The following GPRC6A variants were observed in gnomAD, a reference collection of about 807,000 sequenced individuals.
GPRC6A encodes G protein-coupled receptor class C group 6 member A.
A neutral mutation model predicts 47.0 loss-of-function variants in GPRC6A; 54 were observed. That is an observed-to-expected ratio of 1.15 (90% CI 0.92 to 1.44). The LOEUF is 1.44. GPRC6A is among the 40% of genes most tolerant of loss of function. The probability of loss-of-function intolerance (pLI) is 0.00; values close to 1 mark genes in which losing one functional copy is unlikely to be tolerated. For synonymous variants in GPRC6A, 347 were observed against 377.1 expected, an observed-to-expected ratio of 0.92 and a Z score of 0.93; for missense variants, 1,112 against 1,105.5, an observed-to-expected ratio of 1.01 and a Z score of -0.08.
At chr6:116,807,384 T>A (rs545950180) in intron 2 of GPRC6A, among the ~76,000 whole-genome samples, 178 bp from the exon 3 acceptor site, 29 of 152,340 alleles carry the variant, frequency 1.9e-4, no homozygotes, top group Non-Finnish European at 3.8e-4. Flanking sequence ...GGCTTTCTAA[T>A]TATTTCATAT....
intron 4 of GPRC6A, 60 bp from the exon 5 acceptor site, chr6:116,795,895 G>T: frequency 1.8e-6 from 2 of 1,142,710 alleles, no homozygotes; most frequent in Non-Finnish European, 2.5e-6. Flanking sequence ...TATCCTAATC[G>T]ATTATCCTCG....
intron 4 of GPRC6A, among the ~76,000 whole-genome samples, chr6:116,798,971 A>G (rs945362964): frequency 6.6e-6 from 1 of 152,132 alleles, no homozygotes; most frequent in Non-Finnish European, 1.5e-5. Flanking sequence ...AAGTGATTGT[A>G]ACAGCAGTGG....
chr6:116,814,125 G>A (rs1192782436), intron 1 of GPRC6A, among the ~76,000 whole-genome samples: 1 of 152,194 alleles, frequency 6.6e-6, no homozygotes, highest in East Asian at 1.9e-4. Flanking sequence ...AGAGGATGTG[G>A]AGAAATAGGA....
intron 1 of GPRC6A, among the ~76,000 whole-genome samples, chr6:116,820,058 C>T (rs1400799722): frequency 7.5e-6 from 1 of 133,980 alleles, no homozygotes; most frequent in African/African-American, 3.0e-5. Context: ...ATACAAACTA[C>T]CATCAGAGAA....
rs192979504 is a variant in GPRC6A, at chr6:116,814,841, T to C, written c.195-5224A>G. 1.2e-4 allele frequency among the ~76,000 whole-genome samples: 18 copies of C among 152,176 alleles called. No individual in the cohort carries two copies. In the East Asian group the frequency reaches 3.5e-3, roughly 29 times the overall value. On this transcript the variant is annotated intron_variant, in intron 1 of 5. Coordinates refer to ENST00000310357, the MANE Select transcript of GPRC6A (RefSeq NM_148963.4). ...TATGCAACTTACAAGAAATGCACTT[T>C]ACATATAAAAGCACATATAGACTGA...
At chr6:116,817,612 CA>C (rs1773272269) in intron 1 of GPRC6A, among the ~76,000 whole-genome samples, 1 of 152,070 alleles carries the variant, frequency 6.6e-6, no homozygotes, top group Non-Finnish European at 1.5e-5. Flanking sequence ...AAACCAAAGG[CA>C]AAGAAGTTGA....
chr6:116,817,079 G>C (rs1472272383), intron 1 of GPRC6A, among the ~76,000 whole-genome samples: 5 of 152,236 alleles, frequency 3.3e-5, no homozygotes, highest in South Asian at 2.1e-4. Context: ...CCACCTCTGG[G>C]GGCAGGGCAC....
At chr6:116,807,305 C>T (rs1165534415) in intron 2 of GPRC6A, 99 bp from the exon 3 acceptor site, 1 of 717,406 alleles carries the variant, frequency 1.4e-6, no homozygotes, top group African/African-American at 1.8e-5. Context: ...ATTTTCATGA[C>T]TTTCCTTAAA....
At chr6:116,809,842 T>C (rs1368527340) in intron 1 of GPRC6A, among the ~76,000 whole-genome samples, 1 of 152,192 alleles carries the variant, frequency 6.6e-6, no homozygotes, top group East Asian at 1.9e-4. Flanking sequence ...GGATTTAACC[T>C]TTTCTTGGTG....
intron 4 of GPRC6A, among the ~76,000 whole-genome samples, chr6:116,798,884 GAAA>G (rs768427367): frequency 9.1e-6 from 1 of 110,480 alleles, no homozygotes; most frequent in Non-Finnish European, 1.9e-5. Context: ...ATCCATCTTG[GAAA>G]AAAAAAAAAA....
At chr6:116,814,335 C>A (rs2114607288) in intron 1 of GPRC6A, among the ~76,000 whole-genome samples, 1 of 152,224 alleles carries the variant, frequency 6.6e-6, no homozygotes, top group African/African-American at 2.4e-5. Context: ...TTCACAATAG[C>A]AAAGACTTGC....
In GPRC6A at chr6:116,792,817, A is replaced by T. The variant is rs755592284; in HGVS notation, c.2106T>A (p.Tyr702Ter). 6.2e-7 allele frequency: 1 copy of T among 1,614,108 alleles called. No individual in the cohort carries two copies. Among genetic ancestry groups the T allele is most frequent in the Non-Finnish European group, 8.5e-7 (1 of 1,179,992 alleles). ...PKLQKFLKCL[Y>*]RPILIIFTCT... ...AAGTGAAGATAATAAGGATCGGTCT[A>T]TAGAGGCACTTCAGAAATTTCTGTA... The change falls in exon 6 of 6, where the codon TAT becomes TAA. Residue 702 changes from tyrosine to a stop codon, truncating the protein, a stop_gained. Coordinates refer to ENST00000310357, the MANE Select transcript of GPRC6A (RefSeq NM_148963.4). LOFTEE classifies it low-confidence loss of function (END_TRUNC).
At chr6:116,803,745 A>G (rs890179965) in intron 3 of GPRC6A, among the ~76,000 whole-genome samples, 2 of 152,074 alleles carry the variant, frequency 1.3e-5, no homozygotes, top group South Asian at 4.1e-4. Flanking sequence ...ACTTTGCTGG[A>G]ATATTTCTGT....
chr6:116,792,847 G>A lies in GPRC6A; in HGVS notation c.2076C>T (p.Pro692=), dbSNP rs761778835. 1.4e-5 allele frequency: 22 copies of A among 1,613,936 alleles called. No homozygotes were observed. The highest frequency in any genetic ancestry group is 1.9e-5 in the Non-Finnish European group (22 of 1,179,980). Residue 692 remains proline, a synonymous_variant, in exon 6 of 6, where the codon CCC becomes CCT. Transcript: ENST00000310357. ...LKILLAFSFD[P]KLQKFLKCLY... ...GGCACTTCAGAAATTTCTGTAATTT[G>A]GGATCAAAGCTGAAGGCTAGCAAAA...
intron 1 of GPRC6A, among the ~76,000 whole-genome samples, chr6:116,823,468 T>C (rs1773574473): frequency 6.6e-6 from 1 of 152,110 alleles, no homozygotes; most frequent in African/African-American, 2.4e-5. Context: ...TATATCACCA[T>C]CATCATTTTG....
intron 3 of GPRC6A, among the ~76,000 whole-genome samples, chr6:116,806,038 G>A (rs779384078): frequency 2.0e-5 from 3 of 152,148 alleles, no homozygotes; most frequent in Non-Finnish European, 2.9e-5. Context: ...ATTATTAAAC[G>A]TGTCTGCTCT....
chr6:116,801,009 TATAAATTTGGGA>T (rs533052462), intron 3 of GPRC6A, among the ~76,000 whole-genome samples: 4 of 152,344 alleles, frequency 2.6e-5, no homozygotes, highest in African/African-American at 9.6e-5. Flanking sequence ...ACTTTTGCTA[TATAAATTTGGGA>T]AAGCAAGTTA....
At chr6:116,817,088 A>T (rs2114611360) in intron 1 of GPRC6A, among the ~76,000 whole-genome samples, 1 of 152,262 alleles carries the variant, frequency 6.6e-6, no homozygotes, top group South Asian at 2.1e-4. Context: ...GGGGCAGGGC[A>T]CAGACAAACA....
At chr6:116,828,776 A>G in intron 1 of GPRC6A, 44 bp downstream of exon 1, 1 of 1,542,852 alleles carries the variant, frequency 6.5e-7, no homozygotes, top group South Asian at 1.2e-5. Context: ...TCCTAGTCTC[A>G]TGACAATCTT....
Sources: gnomAD v4.1 joint callset for allele counts (sites outside exome capture counted in the v4.1 genomes callset) on GRCh38, gnomAD v4.1.1 for gene constraint, MANE v1.5 for transcripts, NCBI Gene and HGNC (gene_info 2026-07-23, HGNC 2026-07-21) for gene names.